Variants in MCTP1 observed in about 807,000 individuals in gnomAD.
The protein encoded by MCTP1 is multiple C2 and transmembrane domain-containing protein 1.
A neutral mutation model predicts 120.6 loss-of-function variants in MCTP1; 69 were observed. The ratio of observed to expected loss-of-function variants is 0.57; its 90% CI spans 0.47 to 0.70. The LOEUF (loss-of-function observed/expected upper bound fraction) is 0.70, where lower values mean the gene tolerates loss of function less well. MCTP1 is among the 30% of genes least tolerant of loss of function. The pLI, the probability that MCTP1 is intolerant of heterozygous loss-of-function variation, is 0.00. For missense variants in MCTP1, 1,203 were observed against 1,248.8 expected (o/e 0.96, Z 0.55); for synonymous variants, 529 against 493.1 (o/e 1.07, Z -0.96).
intron 1 of MCTP1, among the ~76,000 whole-genome samples, chr5:95,174,668 T>C (rs956653532): frequency 6.6e-6 from 1 of 152,314 alleles, no homozygotes; most frequent in African/African-American, 2.4e-5. Context: ...ACATGTAAAA[T>C]GGGGACTCCC....
intron 1 of MCTP1, among the ~76,000 whole-genome samples, chr5:95,209,998 A>G (rs1269779803): frequency 2.0e-5 from 3 of 152,110 alleles, no homozygotes; most frequent in Non-Finnish European, 4.4e-5. Context: ...GAGTTTCTTA[A>G]TCCTGAGTTC....
chr5:94,987,764 C>T (rs1317786780), intron 2 of MCTP1, among the ~76,000 whole-genome samples: 1 of 151,930 alleles, frequency 6.6e-6, no homozygotes, highest in Non-Finnish European at 1.5e-5. Context: ...TTTTAGGGGG[C>T]AGTGTGGGCA....
At chr5:94,976,402 A>T (rs1828114300) in intron 2 of MCTP1, among the ~76,000 whole-genome samples, 1 of 152,138 alleles carries the variant, frequency 6.6e-6, no homozygotes, top group Non-Finnish European at 1.5e-5. Flanking sequence ...AGTGACCAAG[A>T]TCACGCCAAT....
chr5:95,095,196 T>G (rs1324503301), intron 1 of MCTP1, among the ~76,000 whole-genome samples: 1 of 151,144 alleles, frequency 6.6e-6, no homozygotes, highest in Non-Finnish European at 1.5e-5. Context: ...GCTAATTTTT[T>G]GTATTTTTAG....
At chr5:94,755,692 G>A (rs575222471) in intron 19 of MCTP1, among the ~76,000 whole-genome samples, 2 of 152,262 alleles carry the variant, frequency 1.3e-5, no homozygotes, top group South Asian at 2.1e-4. Context: ...CTCCTTTTCA[G>A]TATATGTTCT....
chr5:95,091,553 CTTT>C (rs1755846286), intron 1 of MCTP1, among the ~76,000 whole-genome samples: 1 of 152,128 alleles, frequency 6.6e-6, no homozygotes, highest in African/African-American at 2.4e-5. Context: ...CTCTTAAAGC[CTTT>C]AGATGCCCTG....
intron 1 of MCTP1, among the ~76,000 whole-genome samples, chr5:95,198,663 A>T (rs1750660321): frequency 6.6e-6 from 1 of 152,146 alleles, no homozygotes; most frequent in Admixed American, 6.5e-5. Context: ...TAAAAGAAAG[A>T]CCAACGTTGA....
At chr5:95,165,660 G>C (rs1180138778) in intron 1 of MCTP1, among the ~76,000 whole-genome samples, 3 of 152,176 alleles carry the variant, frequency 2.0e-5, no homozygotes, top group African/African-American at 7.2e-5. Context: ...ATATAACACT[G>C]AGCCCTGAAG....
chr5:94,966,806 A>C (rs73136080), intron 2 of MCTP1, among the ~76,000 whole-genome samples: 2,295 of 151,990 alleles, frequency 0.015, 63 homozygotes, highest in African/African-American at 0.053. Context: ...AAAAAAAAAA[A>C]ACAACAAAAC....
chr5:95,203,431 A>G (rs1751289639), intron 1 of MCTP1, among the ~76,000 whole-genome samples: 1 of 152,226 alleles, frequency 6.6e-6, no homozygotes, highest in Non-Finnish European at 1.5e-5. Context: ...TGAATTAGGT[A>G]TGAGTGTCTC....
intron 1 of MCTP1, among the ~76,000 whole-genome samples, chr5:95,107,355 G>A (rs1439717565): frequency 6.6e-6 from 1 of 152,118 alleles, no homozygotes; most frequent in African/African-American, 2.4e-5. Context: ...ATGAAAAGTT[G>A]CATGGCAACA....
intron 1 of MCTP1, among the ~76,000 whole-genome samples, chr5:95,142,791 T>C (rs1276375798): frequency 2.6e-5 from 4 of 152,072 alleles, no homozygotes; most frequent in Non-Finnish European, 4.4e-5. Flanking sequence ...ATAGATAGCA[T>C]GAAACCTTGA....
intron 18 of MCTP1, among the ~76,000 whole-genome samples, chr5:94,783,983 A>C (rs1409924385): frequency 2.0e-5 from 3 of 152,118 alleles, no homozygotes; most frequent in Non-Finnish European, 4.4e-5. Context: ...ATAGTTGCAC[A>C]ACTCAAATTG....
intron 2 of MCTP1, among the ~76,000 whole-genome samples, chr5:94,999,612 A>T (rs1833276342): frequency 6.6e-6 from 1 of 152,186 alleles, no homozygotes; most frequent in Non-Finnish European, 1.5e-5. Flanking sequence ...ATTAAAATTG[A>T]TCCTCTTTTC....
intron 20 of MCTP1, among the ~76,000 whole-genome samples, chr5:94,711,593 TTG>T (rs1757028916): frequency 6.6e-6 from 1 of 152,122 alleles, no homozygotes; most frequent in Non-Finnish European, 1.5e-5. Flanking sequence ...CATGTACTCC[TTG>T]TGAAGGACAG....
intron 19 of MCTP1, among the ~76,000 whole-genome samples, chr5:94,738,282 C>T (rs1338458000): frequency 2.0e-5 from 3 of 152,130 alleles, no homozygotes; most frequent in Admixed American, 2.0e-4. Flanking sequence ...CTTGCCTTAT[C>T]GTTGTGGTCC....
At chr5:94,981,959 A>C (rs1293240713) in intron 2 of MCTP1, among the ~76,000 whole-genome samples, 1 of 152,138 alleles carries the variant, frequency 6.6e-6, no homozygotes, top group Non-Finnish European at 1.5e-5. Context: ...AAAATGTTTT[A>C]AGGTTGCCTT....
At chr5:95,124,017 T>G (rs998748731) in intron 1 of MCTP1, among the ~76,000 whole-genome samples, 3 of 152,224 alleles carry the variant, frequency 2.0e-5, no homozygotes, top group Non-Finnish European at 2.9e-5. Flanking sequence ...CAGACATTAC[T>G]GGATGTCTAA....
chr5:94,930,267 ATTTT>A (rs869306266), intron 6 of MCTP1, among the ~76,000 whole-genome samples: 5,008 of 100,714 alleles, frequency 0.05, 58 homozygotes, highest in Middle Eastern at 0.097. Context: ...TTAAAGAAGA[ATTTT>A]TTTTTTTTTT....
Sources: allele counts gnomAD v4.1 joint callset (sites outside exome capture counted in the v4.1 genomes callset), GRCh38; gene constraint gnomAD v4.1.1; transcripts MANE v1.5; gene names NCBI Gene and HGNC (gene_info 2026-07-23, HGNC 2026-07-21).